The following ZNF799 variants were observed in gnomAD, a reference collection of about 807,000 sequenced individuals.
ZNF799 encodes zinc finger protein 14.
ZNF799 carries 28 observed loss-of-function variants against 41.0 expected under a neutral mutation model. The observed-to-expected ratio is 0.68, with a 90% CI of 0.51 to 0.94. The LOEUF (loss-of-function observed/expected upper bound fraction) is 0.94, where lower values mean the gene tolerates loss of function less well. Ranked by LOEUF, ZNF799 falls within the 40% of genes least tolerant of loss-of-function variation. The pLI, the probability that ZNF799 is intolerant of heterozygous loss-of-function variation, is 0.00. For missense variants in ZNF799, 716 were observed against 764.3 expected, an observed-to-expected ratio of 0.94 and a Z score of 0.74; for synonymous variants, 213 against 252.9, an observed-to-expected ratio of 0.84 and a Z score of 1.50.
At chr19:12,415,029 G>A in the ZNF799 span, among the ~76,000 whole-genome samples, 9 of 152,122 alleles carry the variant, frequency 5.9e-5, no homozygotes, top group African/African-American at 1.9e-4. Context: ...GTTTTGCCAT[G>A]TTTTTAAGGA....
the ZNF799 span, among the ~76,000 whole-genome samples, chr19:12,413,641 T>C: frequency 3.3e-5 from 5 of 152,226 alleles, no homozygotes; most frequent in Non-Finnish European, 5.9e-5. Flanking sequence ...AATGTACACA[T>C]GCCATTAGAA....
intron 1 of ZNF799, among the ~76,000 whole-genome samples, chr19:12,399,779 G>A (rs545657912): frequency 6.6e-6 from 1 of 151,542 alleles, no homozygotes; most frequent in East Asian, 1.9e-4. Context: ...GAGTAGCTGC[G>A]ACTACAGGTG....
intron 1 of ZNF799, chr19:12,394,984 C>G: frequency 1.8e-6 from 1 of 556,490 alleles, no homozygotes; most frequent in Non-Finnish European, 2.3e-6. Flanking sequence ...AATCCCTCCC[C>G]CTATCAATAC....
At chr19:12,406,168 C>CAAAAAAAAAAAAAAAAAAAAAAAAAAAAA (rs940819306), upstream of ZNF799, among the ~76,000 whole-genome samples, 1 of 58,988 alleles carries the variant, frequency 1.7e-5, no homozygotes, top group African/African-American at 5.1e-5. Context: ...GACTCTGTCT[C>CAAAAAAAAAAAAAAAAAAAAAAAAAAAAA]AAAAAAAAAA....
intron 1 of ZNF799, chr19:12,393,698 T>A (rs1422883207): frequency 3.2e-5 from 41 of 1,271,830 alleles, no homozygotes; most frequent in Admixed American, 6.8e-5. Context: ...TCACCCCTAA[T>A]GTTGATTTCC....
intron 1 of ZNF799, among the ~76,000 whole-genome samples, chr19:12,398,902 A>C (rs180989442): frequency 6.6e-6 from 1 of 152,316 alleles, no homozygotes; most frequent in East Asian, 1.9e-4. Context: ...GGGGCAAAAA[A>C]AATAAATAAA....
the ZNF799 span, among the ~76,000 whole-genome samples, chr19:12,413,618 C>T: frequency 9.2e-5 from 14 of 152,206 alleles, no homozygotes; most frequent in Admixed American, 3.9e-4. Context: ...CATGCGTACA[C>T]GGTCAGACAG....
At chr19:12,412,327 C>T in the ZNF799 span, among the ~76,000 whole-genome samples, 1 of 152,288 alleles carries the variant, frequency 6.6e-6, no homozygotes, top group East Asian at 1.9e-4. Context: ...TAACTCAAGA[C>T]CGCTAACTCT....
At chr19:12,404,269 A>T (rs1031608048), upstream of ZNF799, among the ~76,000 whole-genome samples, 1 of 152,138 alleles carries the variant, frequency 6.6e-6, no homozygotes, top group African/African-American at 2.4e-5. Flanking sequence ...GATCCATTTG[A>T]TCTATAGTGT....
At chr19:12,413,637 C>T in the ZNF799 span, among the ~76,000 whole-genome samples, 1 of 152,210 alleles carries the variant, frequency 6.6e-6, no homozygotes, top group Non-Finnish European at 1.5e-5. Context: ...AGGTAATGTA[C>T]ACATGCCATT....
rs201705931 is a variant in ZNF799 at position 12,401,096 on chromosome 19, T to A, written c.-26A>T. On this transcript the variant is annotated 5_prime_UTR_variant, in exon 1 of 4. Coordinates refer to ENST00000430385, the MANE Select transcript of ZNF799 (RefSeq NM_001080821.3). ...TTCCCGACTTCCGCGGTGTCCCAGG[T>A]CCTCCGGACGGCTCCCGCTGCCAAT... 3,743 of 1,613,686 alleles carry A rather than the reference T, an allele frequency of 2.3e-3. 4 individuals are homozygous for A. Among genetic ancestry groups the A allele is most frequent in the Non-Finnish European group, 3.0e-3 (3,500 of 1,179,800 alleles).
At chr19:12,405,317 C>T (rs186588408), upstream of ZNF799, among the ~76,000 whole-genome samples, 620 of 152,244 alleles carry the variant, frequency 4.1e-3, 3 homozygotes, top group Middle Eastern at 0.014. Context: ...GAGAAAATTT[C>T]CTCTAGTAAA....
chr19:12,407,776 C>T, the ZNF799 span, among the ~76,000 whole-genome samples: 1 of 152,042 alleles, frequency 6.6e-6, no homozygotes, highest in Non-Finnish European at 1.5e-5. Context: ...AGGCACTATA[C>T]CAGAAGCCAG....
Position 12,391,334 on chromosome 19 carries a change from T to C in ZNF799, c.1064A>G (p.His355Arg), listed in dbSNP as rs1367828859. ...TTTCTCTCCAGTGTGAGTTCTTTCA[T>C]GACTTTTCAGTGAACTAGGACAATC... ...GFDCPSSLKS[H>R]ERTHTGEKLY... The change falls in exon 4 of 4, where the codon CAT becomes CGT. Residue 355 changes from histidine (H) to arginine (R), a missense_variant. Around this residue, in one of 2 missense-constraint regions of ZNF799, gnomAD observed 698 missense variants for 713.6 expected, o/e 0.98. Coordinates refer to ENST00000430385, the MANE Select transcript of ZNF799 (RefSeq NM_001080821.3). The C allele has an allele frequency of 6.2e-7, 1 of 1,614,220 alleles. No individual in the cohort carries two copies. Among genetic ancestry groups the C allele is most frequent in the South Asian group, 1.1e-5 (1 of 91,088 alleles).
At chr19:12,410,251 GTGCATATATATATATATATATATATA>G in the ZNF799 span, among the ~76,000 whole-genome samples, 13 of 133,446 alleles carry the variant, frequency 9.7e-5, no homozygotes, top group South Asian at 4.6e-4. Context: ...CAATGTCTGT[GTGCATATATATATATATATATATATA>G]TATATATATA....
the ZNF799 span, among the ~76,000 whole-genome samples, chr19:12,411,059 G>A: frequency 3.9e-5 from 6 of 152,200 alleles, no homozygotes; most frequent in Admixed American, 3.3e-4. Flanking sequence ...GAGAAATCAT[G>A]TTATAAGGCC....
chr19:12,391,866 A>G lies in ZNF799; in HGVS notation c.532T>C (p.Phe178Leu). The G allele has an allele frequency of 6.2e-7, 1 of 1,614,230 alleles. No individual in the cohort carries two copies. Among genetic ancestry groups the G allele is most frequent in the Non-Finnish European group, 8.5e-7 (1 of 1,180,022 alleles). ...PYNCKECGKS[F>L]SSLGNLQRHM... Reference sequence around the variant, plus strand: ...CTTTGAAGGTTTCCCAAAGAACTGAAGGACTTCCCACATTCTTTACAATTA... The same window carrying G: ...CTTTGAAGGTTTCCCAAAGAACTGAGGGACTTCCCACATTCTTTACAATTA... Residue 178 changes from phenylalanine to leucine, a missense_variant, in exon 4 of 4, where the codon TTC (phenylalanine) becomes CTC (leucine). Phe to Leu is a conservative substitution (Grantham distance 22). Coordinates refer to ENST00000430385, the MANE Select transcript of ZNF799 (RefSeq NM_001080821.3).
Position 12,391,893 on chromosome 19 carries a change from A to T in ZNF799, c.505T>A (p.Tyr169Asn). ...GACTTCCCACATTCTTTACAATTAT[A>T]TGGTTTCTTTCCAGTGTGAAGCCTC... ...HERLHTGKKP[Y>N]NCKECGKSFS... The change falls in exon 4 of 4, where the codon TAT becomes AAT. Residue 169 changes from tyrosine (Y) to asparagine (N), a missense_variant. Coordinates refer to ENST00000430385, the MANE Select transcript of ZNF799 (RefSeq NM_001080821.3). 6.2e-7 allele frequency: 1 copy of T among 1,614,166 alleles called. No homozygotes were observed. Among genetic ancestry groups the T allele is most frequent in the South Asian group, 1.1e-5 (1 of 91,080 alleles).
At chr19:12,411,422 A>T in the ZNF799 span, among the ~76,000 whole-genome samples, 1 of 152,164 alleles carries the variant, frequency 6.6e-6, no homozygotes, top group Non-Finnish European at 1.5e-5. Context: ...TATGACATGC[A>T]GGTATTAGCA....
Sources: gnomAD v4.1 joint callset for allele counts (sites outside exome capture counted in the v4.1 genomes callset) on GRCh38, gnomAD v4.1.1 for gene constraint, gnomAD v4.1.1 regional missense constraint, MANE v1.5 for transcripts, NCBI Gene and HGNC (gene_info 2026-07-23, HGNC 2026-07-21) for gene names.